The following ARID1B variants were observed in gnomAD, a reference collection of about 807,000 sequenced individuals.
ARID1B encodes the protein AT-rich interactive domain-containing protein 1B.
ARID1B carries 30 observed loss-of-function variants against 212.3 expected under a neutral mutation model. That is an observed-to-expected ratio of 0.14 (90% confidence interval 0.11 to 0.19). The LOEUF (loss-of-function observed/expected upper bound fraction) is 0.19. Among genes scored for constraint, ARID1B ranks in the 10% least tolerant of loss-of-function variants. The pLI is 1.00. For missense variants in ARID1B, 2,891 were observed against 3,204.0 expected (o/e 0.90, Z 2.36); for synonymous variants, 1,402 against 1,301.7 (o/e 1.08, Z -1.66).
chr6:157,085,529 G>T (rs1305918848), intron 5 of ARID1B, among the ~76,000 whole-genome samples: 2 of 151,942 alleles, frequency 1.3e-5, no homozygotes, highest in Non-Finnish European at 2.9e-5. Flanking sequence ...TATTTATTTG[G>T]TTATTTATTT....
At chr6:156,989,110 G>A (rs1052794228) in intron 4 of ARID1B, among the ~76,000 whole-genome samples, 1 of 152,020 alleles carries the variant, frequency 6.6e-6, no homozygotes, top group Admixed American at 6.6e-5. Context: ...CCCATTCTTT[G>A]AGCTCCCTTT....
intron 4 of ARID1B, among the ~76,000 whole-genome samples, chr6:157,042,951 G>A (rs1055251932): frequency 2.0e-5 from 3 of 152,076 alleles, no homozygotes; most frequent in Non-Finnish European, 2.9e-5. Flanking sequence ...ATGAGCCACC[G>A]CACAAAGGCT....
At position 157,110,533 on chromosome 6, in the gene ARID1B, G is replaced by A. The variant is rs781067022; in HGVS notation, c.2553G>A (p.Leu851=). The A allele has an allele frequency of 6.8e-6, 11 of 1,614,000 alleles. No individual in the cohort carries two copies. Among genetic ancestry groups the A allele is most frequent in the African/African-American group, 1.3e-5 (1 of 74,906 alleles). Reference sequence around the variant, plus strand: ...CAGAATCCAGTTCCCATCCCGCCTTGAGCCAGTCACCAATGCCACAGGAAA... The same window carrying A: ...CAGAATCCAGTTCCCATCCCGCCTTAAGCCAGTCACCAATGCCACAGGAAA... ...SQSESSSHPA[L]SQSPMPQERG... The change falls in exon 6 of 20, where the codon TTG becomes TTA. Residue 851 remains leucine (L), a synonymous_variant. Coordinates refer to ENST00000636930, the MANE Select transcript of ARID1B (RefSeq NM_001374828.1).
intron 7 of ARID1B, 82 bp downstream of exon 7, chr6:157,133,289 T>C (rs933604180): frequency 5.0e-6 from 7 of 1,391,982 alleles, no homozygotes; most frequent in South Asian, 3.0e-5. Context: ...GATTTTAATA[T>C]TGTAAACATA....
chr6:156,883,685 ATCTCTT>A (rs1787281790), intron 2 of ARID1B, among the ~76,000 whole-genome samples: 1 of 152,038 alleles, frequency 6.6e-6, no homozygotes. Context: ...CTCCAGCCCC[ATCTCTT>A]CACCTTTCCT....
intron 6 of ARID1B, among the ~76,000 whole-genome samples, chr6:157,127,861 C>CT (rs1788249826): frequency 6.9e-6 from 1 of 145,630 alleles, no homozygotes; most frequent in Non-Finnish European, 1.5e-5. Flanking sequence ...ATTCAGGAGG[C>CT]TGAGGCAGAA....
intron 1 of ARID1B, among the ~76,000 whole-genome samples, chr6:156,787,942 G>C (rs1038043280): frequency 2.0e-5 from 3 of 152,100 alleles, no homozygotes; most frequent in African/African-American, 4.8e-5. Context: ...GCTGGGCAGG[G>C]TTGTTGAAAA....
rs996339778 is a variant in ARID1B at position 156,831,753 on chromosome 6, C to A, written c.1986+2332C>A. On this transcript the variant is annotated intron_variant, in intron 2 of 19. Coordinates refer to ENST00000636930, the MANE Select transcript of ARID1B (RefSeq NM_001374828.1). ...TGAAGGGACAAATTGATGTAGGTTG[C>A]CCATCAAGTATTTCAGCAAATTTTT... Among the ~76,000 whole-genome samples the A allele has an allele frequency of 5.9e-5, 9 of 152,200 alleles. No individual in the cohort carries two copies. The East Asian group carries it at 1.5e-3, about 26-fold the overall frequency.
At chr6:156,813,104 A>T (rs1781715969) in intron 1 of ARID1B, among the ~76,000 whole-genome samples, 1 of 124,802 alleles carries the variant, frequency 8.0e-6, no homozygotes, top group African/African-American at 3.1e-5. Flanking sequence ...ATACATATAT[A>T]TATATTTTTT....
At chr6:156,856,057 CT>C (rs563868683) in intron 2 of ARID1B, among the ~76,000 whole-genome samples, 3 of 152,280 alleles carry the variant, frequency 2.0e-5, no homozygotes, top group Non-Finnish European at 4.4e-5. Flanking sequence ...GCTCTGGAGA[CT>C]TTCTGGACCC....
chr6:156,849,647 T>C (rs1318176192), intron 2 of ARID1B, among the ~76,000 whole-genome samples: 1 of 152,212 alleles, frequency 6.6e-6, no homozygotes, highest in Non-Finnish European at 1.5e-5. Context: ...ATTTTCTCCT[T>C]CTTTTCTTGT....
At chr6:157,038,722 T>C (rs1332043435) in intron 4 of ARID1B, among the ~76,000 whole-genome samples, 1 of 152,202 alleles carries the variant, frequency 6.6e-6, no homozygotes, top group Non-Finnish European at 1.5e-5. Context: ...GGAATATTCA[T>C]TGCATTTTTA....
chr6:157,088,865 C>A (rs80327755), intron 5 of ARID1B, among the ~76,000 whole-genome samples: 1 of 152,164 alleles, frequency 6.6e-6, no homozygotes. Context: ...CATGTAGAGA[C>A]GACATGCTCT....
chr6:156,846,186 ACT>A (rs1784218653), intron 2 of ARID1B, among the ~76,000 whole-genome samples: 1 of 150,998 alleles, frequency 6.6e-6, no homozygotes, highest in Non-Finnish European at 1.5e-5. Flanking sequence ...ACAGAGTCTC[ACT>A]CTGTCACCCA....
chr6:156,901,468 C>T lies in ARID1B; in HGVS notation c.2079C>T (p.Leu693=). 2 of 1,614,088 alleles carry T rather than the reference C, an allele frequency of 1.2e-6. No individual in the cohort carries two copies. The highest frequency in any genetic ancestry group is 2.7e-5 in the African/African-American group (2 of 75,038). Residue 693 remains leucine (L), a synonymous_variant, in exon 3 of 20, where the codon CTC becomes CTT. Coordinates refer to ENST00000636930, the MANE Select transcript of ARID1B (RefSeq NM_001374828.1). ...GCCAGCAGCCGCAGCCCCCGCACCT[C>T]CCACCCCAGGCGCAGTATCTGCCGT... ...YYSQQPQPPH[L]PPQAQYLPSQ... is the part of the protein sequence containing the mutation.
chr6:157,115,203 C>T (rs1410841397), intron 6 of ARID1B, among the ~76,000 whole-genome samples: 2 of 152,164 alleles, frequency 1.3e-5, no homozygotes, highest in African/African-American at 4.8e-5. Flanking sequence ...CCACATTGTA[C>T]ACAGATGAAA....
intron 3 of ARID1B, among the ~76,000 whole-genome samples, chr6:156,931,963 A>T: frequency 9.3e-6 from 1 of 108,076 alleles, no homozygotes; most frequent in Non-Finnish European, 1.9e-5. Context: ...TTCCGTCTTA[A>T]AAAAAAAAAA....
Position 157,208,118 on chromosome 6 carries a change from T to G in ARID1B, c.*227T>G, listed in dbSNP as rs1794599272. The stretch of plus-strand genomic sequence containing the variant: ...AAGTACATCCTTTGGGGTTTTTTTT[T>G]TCTCTTTTTTTTAACCAAAGTTGCT... On this transcript the variant is annotated 3_prime_UTR_variant, in exon 20 of 20. Coordinates refer to ENST00000636930, the MANE Select transcript of ARID1B (RefSeq NM_001374828.1). 2 of 459,162 alleles carry G rather than the reference T, an allele frequency of 4.4e-6. No homozygotes were observed. The highest frequency in any genetic ancestry group is 4.3e-5 in the Admixed American group (1 of 23,074). The allele number at this position is 459,162 out of a possible 1,614,324, so 28.4% of individuals were successfully genotyped here.
chr6:157,174,171 A>G (rs1226353854), intron 10 of ARID1B, 54 bp downstream of exon 10: 7 of 1,520,704 alleles, frequency 4.6e-6, no homozygotes, highest in South Asian at 2.3e-5. Context: ...AAAAGCTGCC[A>G]TGTCGTTCTC....
Sources: allele counts gnomAD v4.1 joint callset (sites outside exome capture counted in the v4.1 genomes callset), GRCh38; gene constraint gnomAD v4.1.1; transcripts MANE v1.5; gene names NCBI Gene and HGNC (gene_info 2026-07-23, HGNC 2026-07-21).